GSR: variants seen among roughly 807,000 people sequenced by gnomAD.
The protein encoded by GSR is glutathione-disulfide reductase.
Under a neutral mutation model 56.5 loss-of-function variants are expected in GSR, and 48 were observed. That is an observed-to-expected ratio of 0.85 (90% CI 0.67 to 1.08). GSR has a LOEUF of 1.08. GSR is among the 50% of genes least tolerant of loss of function. The probability of loss-of-function intolerance (pLI) is 0.00; values close to 1 mark genes in which losing one functional copy is unlikely to be tolerated. For synonymous variants in GSR, 264 were observed against 270.8 expected (o/e 0.97, Z 0.25); for missense variants, 694 against 703.3 (o/e 0.99, Z 0.15).
intron 5 of GSR, among the ~76,000 whole-genome samples, chr8:30,700,722 C>CAAAA (rs1563535549): frequency 2.4e-4 from 2 of 8,424 alleles, no homozygotes; most frequent in African/African-American, 3.4e-4. Flanking sequence ...GATTTTGTCT[C>CAAAA]CAAAAAAAAA....
chr8:30,697,472 A>C (rs543472248), intron 6 of GSR, among the ~76,000 whole-genome samples: 1 of 152,054 alleles, frequency 6.6e-6, no homozygotes. Context: ...AAAAGTAAAA[A>C]TAAAAATTAT....
At chr8:30,692,633 C>T (rs1803424491) in intron 8 of GSR, among the ~76,000 whole-genome samples, 1 of 151,202 alleles carries the variant, frequency 6.6e-6, no homozygotes, top group Non-Finnish European at 1.5e-5. Flanking sequence ...TCCAGAGTAG[C>T]TGGGATTACA....
At chr8:30,680,381 GTTTTTTTT>G (rs34342136) in intron 12 of GSR, among the ~76,000 whole-genome samples, 1 of 33,378 alleles carries the variant, frequency 3.0e-5, no homozygotes, top group Non-Finnish European at 6.3e-5. Flanking sequence ...GGCCTCTCCT[GTTTTTTTT>G]TTTTTTTTTT....
At chr8:30,682,187 T>C (rs1196649083) in intron 10 of GSR, 126 bp from the exon 11 acceptor site, 4 of 804,838 alleles carry the variant, frequency 5.0e-6, no homozygotes, top group Non-Finnish European at 8.7e-6. Context: ...CATTGTTCAT[T>C]ACACTATCTA....
rs1291899360 is a variant in GSR, at chr8:30,702,737, G to T, written c.640+356C>A. ...GGATCACCTGAGGTCAAGAGTTCAAGACCAGCCTGGCCAATATGATGAAAC... is the reference window on the plus strand; with the variant it reads ...GGATCACCTGAGGTCAAGAGTTCAATACCAGCCTGGCCAATATGATGAAAC... On this transcript the variant is annotated intron_variant, in intron 5 of 12. Coordinates refer to ENST00000221130, the MANE Select transcript of GSR (RefSeq NM_000637.5). Among the ~76,000 whole-genome samples the T allele has an allele frequency of 4.6e-5, 7 of 152,288 alleles. No individual in the cohort carries two copies. In the East Asian group the frequency reaches 1.4e-3, roughly 29 times the overall value.
At chr8:30,710,714 C>CAAAAAAAAAAAAAAAAAAAAAAAAAAAGA (rs1804102093) in intron 2 of GSR, among the ~76,000 whole-genome samples, 1 of 51,036 alleles carries the variant, frequency 2.0e-5, no homozygotes, top group Admixed American at 3.4e-4. Context: ...GACTCTGTCT[C>CAAAAAAAAAAAAAAAAAAAAAAAAAAAGA]AAAAAAAAAA....
chr8:30,708,260 G>T, intron 3 of GSR, 119 bp from the exon 4 acceptor site: 1 of 773,980 alleles, frequency 1.3e-6, no homozygotes, highest in Non-Finnish European at 2.3e-6. Flanking sequence ...AGCAACCGCA[G>T]TGAGTGAATG....
chr8:30,722,347 A>G lies in GSR; in HGVS notation c.306+5183T>C, dbSNP rs941983714. 6.6e-5 allele frequency among the ~76,000 whole-genome samples: 10 copies of G among 152,294 alleles called. No homozygotes were observed. In the South Asian group the frequency reaches 2.1e-3, roughly 32 times the overall value. On this transcript the variant is annotated intron_variant, in intron 1 of 12. Coordinates refer to ENST00000221130, the MANE Select transcript of GSR (RefSeq NM_000637.5). ...AGGAGACACATTAGGGTAACCTTCTATTTCGGAGGGCTATCTGTCAATATT... is the reference window on the plus strand; with the variant it reads ...AGGAGACACATTAGGGTAACCTTCTGTTTCGGAGGGCTATCTGTCAATATT...
At chr8:30,684,498 GA>G (rs966151682) in intron 9 of GSR, among the ~76,000 whole-genome samples, 1 of 147,866 alleles carries the variant, frequency 6.8e-6, no homozygotes, top group Non-Finnish European at 1.5e-5. Context: ...TTAGAAATTA[GA>G]AAAAAAAAAG....
intron 1 of GSR, among the ~76,000 whole-genome samples, chr8:30,725,193 A>C (rs956808946): frequency 6.6e-6 from 1 of 152,180 alleles, no homozygotes; most frequent in African/African-American, 2.4e-5. Flanking sequence ...CTGTAATCCC[A>C]GCATTTTGGG....
intron 6 of GSR, 51 bp downstream of exon 6, chr8:30,700,030 A>C (rs1803676097): frequency 7.5e-7 from 1 of 1,327,488 alleles, no homozygotes. Flanking sequence ...AAAAGTTACC[A>C]GGAGACAGTA....
chr8:30,713,735 A>C (rs1015420746), intron 1 of GSR, among the ~76,000 whole-genome samples: 4 of 152,196 alleles, frequency 2.6e-5, no homozygotes, highest in African/African-American at 9.7e-5. Context: ...AGATTGGCAA[A>C]AATTTTAAAG....
intron 6 of GSR, 127 bp downstream of exon 6, chr8:30,699,954 G>T: frequency 1.3e-6 from 1 of 779,842 alleles, no homozygotes; most frequent in Non-Finnish European, 2.4e-6. Context: ...GTCATGAAAA[G>T]AGAAGCTGTA....
At chr8:30,725,258 C>T (rs1804685157) in intron 1 of GSR, among the ~76,000 whole-genome samples, 1 of 151,812 alleles carries the variant, frequency 6.6e-6, no homozygotes, top group Non-Finnish European at 1.5e-5. Flanking sequence ...GTTTGGGCAA[C>T]ATGGCAAAAC....
intron 9 of GSR, among the ~76,000 whole-genome samples, chr8:30,685,985 C>CAA (rs71206274): frequency 0.02 from 755 of 37,234 alleles, 119 homozygotes; most frequent in African/African-American, 0.071. Context: ...GACTCTGCCT[C>CAA]AAAAAAAAAA....
chr8:30,703,227 A>T lies in GSR; in HGVS notation c.506T>A (p.Ile169Asn). 1 of 1,614,036 alleles carries T rather than the reference A, an allele frequency of 6.2e-7. No individual in the cohort carries two copies. The highest frequency in any genetic ancestry group is 8.5e-7 in the Non-Finnish European group (1 of 1,179,946). ...QNNLTKSHIEIIRGHAAFTSD... is the reference protein window; with the variant it reads ...QNNLTKSHIENIRGHAAFTSD... ...CGTGAAGGCTGCATGGCCACGGATG[A>T]TTTCTATATGGGACTAAAGAAGGAA... Residue 169 changes from isoleucine (I) to asparagine (N), a missense_variant, in exon 5 of 13, where the codon ATC becomes AAC. Ile to Asn is a moderately radical substitution (Grantham distance 149). Coordinates refer to ENST00000221130, the MANE Select transcript of GSR (RefSeq NM_000637.5).
rs1554570693 is a variant in GSR at position 30,690,158 on chromosome 8, A to ATATATATT, written c.883-840_883-839insAATATATA. Among the ~76,000 whole-genome samples, 13 of 138,752 alleles carry ATATATATT rather than the reference A, an allele frequency of 9.4e-5. No individual in the cohort carries two copies. The South Asian group carries it at 2.9e-3, about 31-fold the overall frequency. 91.0% of individuals were successfully genotyped at this position (138,752 alleles called of 152,430 possible). ...TACATTTACATATAAATAAAATAAT[A>ATATATATT]TATTTATTTATTTATTTATTTATTT... On this transcript the variant is annotated intron_variant, in intron 8 of 12. Coordinates refer to ENST00000221130, the MANE Select transcript of GSR (RefSeq NM_000637.5).
intron 7 of GSR, among the ~76,000 whole-genome samples, chr8:30,695,721 A>T (rs959696431): frequency 2.0e-5 from 3 of 152,200 alleles, no homozygotes; most frequent in African/African-American, 7.2e-5. Context: ...TTACTTGATC[A>T]TATAAAATTG....
intron 9 of GSR, among the ~76,000 whole-genome samples, chr8:30,688,679 C>A (rs776675592): frequency 6.6e-6 from 1 of 150,942 alleles, no homozygotes; most frequent in East Asian, 2.0e-4. Flanking sequence ...AGTCCCAGCA[C>A]TCTGGGAGGC....
Sources: gnomAD v4.1 joint callset for allele counts (sites outside exome capture counted in the v4.1 genomes callset) on GRCh38, gnomAD v4.1.1 for gene constraint, MANE v1.5 for transcripts, NCBI Gene and HGNC (gene_info 2026-07-23, HGNC 2026-07-21) for gene names.